BRAF: variants seen among roughly 807,000 people sequenced by gnomAD.
BRAF encodes serine/threonine-protein kinase B-raf.
A neutral mutation model predicts 104.6 loss-of-function variants in BRAF; 16 were observed. The ratio of observed to expected loss-of-function variants is 0.15; its 90% CI spans 0.10 to 0.23. The LOEUF (loss-of-function observed/expected upper bound fraction) is 0.23, where lower values mean the gene tolerates loss of function less well. BRAF is among the 10% of genes least tolerant of loss of function. The pLI is 1.00. For missense variants in BRAF, 541 were observed against 937.3 expected, an observed-to-expected ratio of 0.58 and a Z score of 5.52; for synonymous variants, 310 against 341.6, an observed-to-expected ratio of 0.91 and a Z score of 1.02.
At chr7:140,800,553 A>C in intron 6 of BRAF, 72 bp from the exon 7 acceptor site, 2 of 1,608,026 alleles carry the variant, frequency 1.2e-6, no homozygotes, top group Non-Finnish European at 1.7e-6. Context: ...TACATAGTTA[A>C]CCAAAAAAAC....
intron 2 of BRAF, among the ~76,000 whole-genome samples, chr7:140,849,825 T>TA: frequency 6.6e-6 from 1 of 151,234 alleles, no homozygotes; most frequent in Admixed American, 6.6e-5. Context: ...AAAAAATAAA[T>TA]AAATAAAATA....
At chr7:140,875,317 A>G (rs904035095) in intron 1 of BRAF, among the ~76,000 whole-genome samples, 2 of 152,252 alleles carry the variant, frequency 1.3e-5, no homozygotes, top group Admixed American at 1.3e-4. Context: ...CCAAAAATGG[A>G]TAAATACGTA....
Position 140,881,707 on chromosome 7 carries a change from G to T in BRAF, c.139-31495C>A, listed in dbSNP as rs987937077. Among the ~76,000 whole-genome samples the T allele has an allele frequency of 9.9e-5, 15 of 152,252 alleles. No homozygotes were observed. In the South Asian group the frequency reaches 2.1e-3, roughly 21 times the overall value. On this transcript the variant is annotated intron_variant, in intron 1 of 19. Coordinates refer to ENST00000644969, the MANE Select transcript of BRAF (RefSeq NM_001374258.1). Reference sequence around the variant, plus strand: ...TCATTTCTAGCTTTTGATTTCAAGAGACATGTGACTCTTGGTTTCACTTGA... The same window carrying T: ...TCATTTCTAGCTTTTGATTTCAAGATACATGTGACTCTTGGTTTCACTTGA...
intron 1 of BRAF, among the ~76,000 whole-genome samples, chr7:140,906,087 CA>C (rs61150735): frequency 0.012 from 520 of 44,720 alleles, no homozygotes; most frequent in East Asian, 0.027. Flanking sequence ...GACTCCGTCT[CA>C]AAAAAAAAAA....
chr7:140,813,560 C>T (rs953448487), intron 3 of BRAF, among the ~76,000 whole-genome samples: 3 of 152,064 alleles, frequency 2.0e-5, no homozygotes, highest in Admixed American at 6.6e-5. Flanking sequence ...AATGTATGTG[C>T]AACATTATTC....
intron 7 of BRAF, chr7:140,800,155 G>A (rs531712092): frequency 1.2e-5 from 9 of 765,984 alleles, no homozygotes; most frequent in Non-Finnish European, 1.8e-5. Flanking sequence ...GATTTTTTCA[G>A]GACTGATTCT....
At chr7:140,908,623 GTTTA>G (rs1461743343) in intron 1 of BRAF, among the ~76,000 whole-genome samples, 2 of 152,064 alleles carry the variant, frequency 1.3e-5, no homozygotes, top group African/African-American at 4.8e-5. Context: ...AACTTGAAAG[GTTTA>G]TTTTTCTTAA....
Position 140,797,636 on chromosome 7 carries a change from C to A in BRAF, c.980+2726G>T, listed in dbSNP as rs572123588. Among the ~76,000 whole-genome samples, 17 of 152,246 alleles carry A rather than the reference C, an allele frequency of 1.1e-4. No homozygotes were observed. In the South Asian group the frequency reaches 1.5e-3, roughly 13 times the overall value. On this transcript the variant is annotated intron_variant, in intron 7 of 19. Coordinates refer to ENST00000644969, the MANE Select transcript of BRAF (RefSeq NM_001374258.1). The stretch of plus-strand genomic sequence containing the variant: ...ACCAATAAAATATTCATGGCACAGG[C>A]AAATGGTTTCTTAATTTTAAGATAG...
chr7:140,815,496 C>A (rs769408407), intron 3 of BRAF, among the ~76,000 whole-genome samples: 1 of 139,940 alleles, frequency 7.1e-6, no homozygotes, highest in South Asian at 2.2e-4. Context: ...TGCAATGGTG[C>A]GACCTAGAAT....
chr7:140,875,569 G>A (rs1269728928), intron 1 of BRAF, among the ~76,000 whole-genome samples: 1 of 152,144 alleles, frequency 6.6e-6, no homozygotes, highest in South Asian at 2.1e-4. Flanking sequence ...GTACAGACAG[G>A]GTTTCACTAT....
chr7:140,819,490 A>G lies in BRAF; in HGVS notation c.505-10495T>C, dbSNP rs555029602. On this transcript the variant is annotated intron_variant, in intron 3 of 19. Coordinates refer to ENST00000644969, the MANE Select transcript of BRAF (RefSeq NM_001374258.1). ...TGCCAGTCTCTTAAAAGGTTACTAG[A>G]GGCACAAATGAAATCATATGTCCAC... Among the ~76,000 whole-genome samples the G allele has an allele frequency of 9.2e-5, 14 of 152,342 alleles. No individual in the cohort carries two copies. In the South Asian group the frequency reaches 2.7e-3, roughly 29 times the overall value.
At chr7:140,856,153 A>G (rs1412799876) in intron 1 of BRAF, among the ~76,000 whole-genome samples, 1 of 150,324 alleles carries the variant, frequency 6.7e-6, no homozygotes, top group Non-Finnish European at 1.5e-5. Flanking sequence ...AATAATCATT[A>G]ATTAGGAATC....
intron 14 of BRAF, among the ~76,000 whole-genome samples, chr7:140,763,325 C>T (rs1406830372): frequency 4.0e-5 from 6 of 148,612 alleles, no homozygotes; most frequent in African/African-American, 7.5e-5. Flanking sequence ...GGCGGCTGGC[C>T]GGGCAGGGGG....
At chr7:140,864,670 G>C (rs1212350091) in intron 1 of BRAF, among the ~76,000 whole-genome samples, 1 of 152,196 alleles carries the variant, frequency 6.6e-6, no homozygotes, top group Admixed American at 6.5e-5. Context: ...TATTAGATAA[G>C]AATAGGAACA....
At chr7:140,879,340 C>T (rs188743696) in intron 1 of BRAF, among the ~76,000 whole-genome samples, 30 of 151,616 alleles carry the variant, frequency 2.0e-4, no homozygotes, top group South Asian at 4.2e-4. Flanking sequence ...CACCACCACG[C>T]CCAGCTAATT....
intron 1 of BRAF, among the ~76,000 whole-genome samples, chr7:140,880,895 A>C (rs1383823715): frequency 6.6e-6 from 1 of 152,016 alleles, no homozygotes; most frequent in African/African-American, 2.4e-5. Flanking sequence ...GCTTGAGCTC[A>C]GGGGTTCAAG....
At chr7:140,860,129 C>T (rs1810244006) in intron 1 of BRAF, among the ~76,000 whole-genome samples, 1 of 152,194 alleles carries the variant, frequency 6.6e-6, no homozygotes, top group East Asian at 1.9e-4. Context: ...CCCAAAGAGA[C>T]AGAATAGAGG....
chr7:140,749,557 G>A (rs377241586), intron 16 of BRAF, 139 bp from the exon 16 acceptor site: 53 of 911,116 alleles, frequency 5.8e-5, no homozygotes, highest in South Asian at 5.6e-4. Context: ...AATAGTCAAA[G>A]AAATAAAACT....
At chr7:140,918,983 C>CA (rs1380600935) in intron 1 of BRAF, among the ~76,000 whole-genome samples, 1 of 151,188 alleles carries the variant, frequency 6.6e-6, no homozygotes, top group Non-Finnish European at 1.5e-5. Context: ...ACTAAAAATA[C>CA]AAAAAATTAG....
Sources: gnomAD v4.1 joint callset for allele counts (sites outside exome capture counted in the v4.1 genomes callset) on GRCh38, gnomAD v4.1.1 for gene constraint, MANE v1.5 for transcripts, NCBI Gene and HGNC (gene_info 2026-07-23, HGNC 2026-07-21) for gene names.